PPP1R36: variants seen among roughly 807,000 people sequenced by gnomAD.
PPP1R36 encodes protein phosphatase 1 regulatory subunit 36.
A neutral mutation model predicts 53.4 loss-of-function variants in PPP1R36; 47 were observed. The ratio of observed to expected loss-of-function variants is 0.88; its 90% CI spans 0.70 to 1.12. PPP1R36 has a LOEUF of 1.12. PPP1R36 is among the 50% of genes most tolerant of loss of function. PPP1R36 has a pLI of 0.00. For synonymous variants in PPP1R36, 153 were observed against 170.5 expected, an observed-to-expected ratio of 0.90 and a Z score of 0.80; for missense variants, 456 against 513.9, an observed-to-expected ratio of 0.89 and a Z score of 1.09.
chr14:64,570,063 A>G (rs959218621), intron 7 of PPP1R36, among the ~76,000 whole-genome samples: 3 of 152,152 alleles, frequency 2.0e-5, no homozygotes, highest in Admixed American at 6.5e-5. Context: ...ATAAGAATAG[A>G]TAATAAGACA....
At chr14:64,561,794 T>C in intron 3 of PPP1R36, 1 of 456,016 alleles carries the variant, frequency 2.2e-6, no homozygotes, top group South Asian at 1.5e-5. Flanking sequence ...CAAGTGCCCC[T>C]ATTCCAAAGC....
intron 11 of PPP1R36, chr14:64,588,548 G>GT: frequency 3.5e-6 from 1 of 288,546 alleles, no homozygotes; most frequent in Non-Finnish European, 6.2e-6. Context: ...GGAGGAGTGA[G>GT]TAACTGATTT....
chr14:64,566,120 T>C (rs970870909), intron 6 of PPP1R36, among the ~76,000 whole-genome samples: 4 of 152,122 alleles, frequency 2.6e-5, no homozygotes, highest in Middle Eastern at 3.4e-3. Flanking sequence ...ATACAAAAAT[T>C]AGCTGGGCGT....
rs542868802 is a variant in PPP1R36 at position 64,587,053 on chromosome 14, G to A, written c.712-141G>A. 6 of 803,412 alleles carry A rather than the reference G, an allele frequency of 7.5e-6. No individual in the cohort carries two copies. In the African/African-American group the frequency reaches 8.7e-5, roughly 12 times the overall value. The allele number at this position is 803,412 out of a possible 1,614,324, so 49.8% of individuals were successfully genotyped here. ...ATTTTCCTCATGCAAAAGTGAGTAT[G>A]TGTATAATTTTTCATTGTTTCAGGA... On this transcript the variant is annotated intron_variant, in intron 9 of 11. Coordinates refer to ENST00000298705, the MANE Select transcript of PPP1R36 (RefSeq NM_172365.3).
chr14:64,552,777 G>C (rs760980169), intron 2 of PPP1R36, 37 bp from the exon 3 acceptor site: 4 of 1,583,810 alleles, frequency 2.5e-6, no homozygotes, highest in Non-Finnish European at 3.5e-6. Flanking sequence ...TGAGTAACCC[G>C]TCACTTCAAA....
At chr14:64,558,626 T>G (rs1272972831) in intron 3 of PPP1R36, among the ~76,000 whole-genome samples, 1 of 149,846 alleles carries the variant, frequency 6.7e-6, no homozygotes, top group Non-Finnish European at 1.5e-5. Flanking sequence ...CTTGCTTTTT[T>G]GGTTTGTTTT....
chr14:64,588,438 C>T, intron 11 of PPP1R36, 143 bp downstream of exon 11: 1 of 634,990 alleles, frequency 1.6e-6, no homozygotes, highest in Admixed American at 3.1e-5. Flanking sequence ...CTGCCCTGCT[C>T]CCCTCCTAGT....
At chr14:64,564,669 C>A in intron 3 of PPP1R36, 82 bp from the exon 4 acceptor site, 1 of 909,102 alleles carries the variant, frequency 1.1e-6, no homozygotes, top group Non-Finnish European at 1.7e-6. Flanking sequence ...TATGCTAGTC[C>A]AAAGATTATG....
Position 64,568,422 on chromosome 14 carries a change from G to A in PPP1R36, c.508G>A (p.Glu170Lys). Residue 170 changes from glutamate to lysine, a missense_variant, in exon 7 of 12, where the codon GAA becomes AAA. By Grantham distance (56) the Glu-to-Lys change is moderately conservative. Coordinates refer to ENST00000298705, the MANE Select transcript of PPP1R36 (RefSeq NM_172365.3). ...CCATTACTTGGAAAAAAACTCACTGGAAAAGAAACCCAAAAGCTATATGGT... is the reference window on the plus strand; with the variant it reads ...CCATTACTTGGAAAAAAACTCACTGAAAAAGAAACCCAAAAGCTATATGGT... ...LSHYLEKNSL[E>K]KKPKSYMVGL... is the part of the protein sequence containing the mutation. 6.4e-7 allele frequency: 1 copy of A among 1,551,554 alleles called. No individual in the cohort carries two copies. The highest frequency in any genetic ancestry group is 2.3e-5 in the East Asian group (1 of 43,316).
In PPP1R36 at chr14:64,580,928, C is replaced by T. The variant is rs145016527; in HGVS notation, c.669-5909C>T. On this transcript the variant is annotated intron_variant, in intron 8 of 11. Transcript: ENST00000298705. ...TGTGTTACCGAAGTGAACTGGGGTC[C>T]GCTTGCCTGATGCAGTCAGGTGAAA... 9.2e-3 allele frequency among the ~76,000 whole-genome samples: 1,407 copies of T among 152,170 alleles called. 20 individuals are homozygous for T. Among genetic ancestry groups the T allele is most frequent in the African/African-American group, 0.031 (1,304 of 41,514 alleles).
At chr14:64,576,161 A>G (rs2080340578) in intron 8 of PPP1R36, among the ~76,000 whole-genome samples, 1 of 143,390 alleles carries the variant, frequency 7.0e-6, no homozygotes, top group African/African-American at 2.6e-5. Flanking sequence ...GCTCACTGCA[A>G]CCTCTGCCTC....
At chr14:64,558,598 C>A (rs538981014) in intron 3 of PPP1R36, among the ~76,000 whole-genome samples, 1 of 151,908 alleles carries the variant, frequency 6.6e-6, no homozygotes, top group African/African-American at 2.4e-5. Context: ...ATAAACAAAA[C>A]CCCCAAAATA....
chr14:64,555,331 A>G (rs1388656383), intron 3 of PPP1R36, among the ~76,000 whole-genome samples: 1 of 152,266 alleles, frequency 6.6e-6, no homozygotes, highest in African/African-American at 2.4e-5. Flanking sequence ...GTTCTCGAAC[A>G]GTTGTTAGCC....
At chr14:64,566,582 CA>C (rs1343885382) in intron 6 of PPP1R36, among the ~76,000 whole-genome samples, 1 of 152,184 alleles carries the variant, frequency 6.6e-6, no homozygotes, top group Non-Finnish European at 1.5e-5. Context: ...TCCTCAGCTA[CA>C]AAATTGGGAA....
At chr14:64,582,032 C>T (rs1188817831) in intron 8 of PPP1R36, among the ~76,000 whole-genome samples, 4 of 152,174 alleles carry the variant, frequency 2.6e-5, no homozygotes, top group Non-Finnish European at 5.9e-5. Context: ...CTCAGTGCAG[C>T]TGTCACTTGA....
Position 64,565,614 on chromosome 14 carries a change from TTC to T in PPP1R36, c.368-8_368-7del. 3.1e-6 allele frequency: 5 copies of T among 1,611,652 alleles called. No homozygotes were observed. The highest frequency in any genetic ancestry group is 4.2e-6 in the Non-Finnish European group (5 of 1,177,816). The stretch of plus-strand genomic sequence containing the variant: ...TTTGTCCCTCTCTCAATTGTTCATT[TTC>T]TCTTTTCAGTTGTTACTTTGCTTTT... On this transcript the variant is annotated splice_polypyrimidine_tract_variant and intron_variant, in intron 5 of 11. Coordinates refer to ENST00000298705, the MANE Select transcript of PPP1R36 (RefSeq NM_172365.3).
chr14:64,583,109 T>C (rs2080402783), intron 8 of PPP1R36, among the ~76,000 whole-genome samples: 1 of 149,900 alleles, frequency 6.7e-6, no homozygotes, highest in South Asian at 2.1e-4. Flanking sequence ...GATCGCGTTT[T>C]GCCATCTTGC....
intron 3 of PPP1R36, among the ~76,000 whole-genome samples, chr14:64,556,929 T>G (rs1333001710): frequency 6.6e-6 from 1 of 151,958 alleles, no homozygotes; most frequent in Non-Finnish European, 1.5e-5. Context: ...ATCCTCCCAC[T>G]TCAGCCCCCA....
intron 4 of PPP1R36, 60 bp downstream of exon 4, chr14:64,564,897 C>T (rs2080237063): frequency 8.8e-7 from 1 of 1,133,226 alleles, no homozygotes; most frequent in Non-Finnish European, 1.3e-6. Context: ...GGAATGGCTT[C>T]AGCCTTTACA....
Sources: allele counts gnomAD v4.1 joint callset (sites outside exome capture counted in the v4.1 genomes callset), GRCh38; gene constraint gnomAD v4.1.1; transcripts MANE v1.5; gene names NCBI Gene and HGNC (gene_info 2026-07-23, HGNC 2026-07-21).